SYNE1: variants seen among roughly 807,000 people sequenced by gnomAD.
SYNE1 encodes spectrin repeat containing nuclear envelope protein 1.
Under a neutral mutation model 1,111.0 loss-of-function variants are expected in SYNE1, and 616 were observed. The observed-to-expected ratio is 0.55, with a 90% CI of 0.52 to 0.59. SYNE1 has a LOEUF of 0.59. Among genes scored for constraint, SYNE1 ranks in the 20% least tolerant of loss-of-function variants. The pLI is 0.00. For synonymous variants in SYNE1, 3,855 were observed against 3,825.8 expected, an observed-to-expected ratio of 1.01 and a Z score of -0.28; for missense variants, 10,006 against 10,417.0, an observed-to-expected ratio of 0.96 and a Z score of 1.72.
At chr6:152,403,215 A>T (rs2097847937) in intron 46 of SYNE1, among the ~76,000 whole-genome samples, 3 of 152,172 alleles carry the variant, frequency 2.0e-5, no homozygotes, top group Non-Finnish European at 4.4e-5. Flanking sequence ...CAGCCAAAAG[A>T]GACCCACCAT....
intron 40 of SYNE1, among the ~76,000 whole-genome samples, chr6:152,417,521 C>CAAACAAACAAACAAAA (rs139258214): frequency 5.3e-5 from 8 of 151,756 alleles, no homozygotes; most frequent in Middle Eastern, 3.5e-3. Flanking sequence ...AACAAACAAA[C>CAAACAAACAAACAAAA]AAACACAACT....
chr6:152,211,206 A>G (rs957211428), intron 124 of SYNE1, among the ~76,000 whole-genome samples: 48 of 152,352 alleles, frequency 3.2e-4, no homozygotes, highest in Non-Finnish European at 6.8e-4. Context: ...GATATGGTTC[A>G]TGCTGATCTA....
At chr6:152,603,719 T>C (rs1195768124) in intron 3 of SYNE1, among the ~76,000 whole-genome samples, 1 of 150,864 alleles carries the variant, frequency 6.6e-6, no homozygotes. Context: ...TATGTATATC[T>C]ATACATACAT....
intron 87 of SYNE1, among the ~76,000 whole-genome samples, chr6:152,311,365 T>C (rs1324429848): frequency 2.0e-5 from 3 of 152,160 alleles, no homozygotes; most frequent in Non-Finnish European, 2.9e-5. Context: ...TCACTTGCTT[T>C]AAGTGAGACA....
chr6:152,462,828 C>A lies in SYNE1; in HGVS notation c.2160G>T (p.Leu720=), dbSNP rs1223592722. ...KKEYTDCVVT[L]SAFATEAHKK... is the part of the protein sequence containing the mutation. ...TATGGGCTTCCGTTGCAAAAGCAGA[C>A]AGGGTAACAACACAGTCTGTGTATT... is the stretch of plus-strand genomic sequence containing the variant. The change falls in exon 20 of 146, where the codon CTG becomes CTT. Residue 720 remains leucine (L), a synonymous_variant. Transcript: ENST00000367255. The A allele has an allele frequency of 1.9e-6, 3 of 1,613,946 alleles. No homozygotes were observed.
chr6:152,408,981 A>G, intron 44 of SYNE1, 87 bp downstream of exon 44: 3 of 1,363,938 alleles, frequency 2.2e-6, no homozygotes, highest in Non-Finnish European at 3.1e-6. Flanking sequence ...AGTGAAATTC[A>G]CATCCTTGAA....
chr6:152,137,621 C>CT (rs1340852678), intron 140 of SYNE1, among the ~76,000 whole-genome samples: 2 of 152,158 alleles, frequency 1.3e-5, no homozygotes, highest in Non-Finnish European at 2.9e-5. Context: ...AATTGAGTAT[C>CT]TAGGTACTGT....
intron 98 of SYNE1, among the ~76,000 whole-genome samples, chr6:152,273,312 G>C (rs1354970013): frequency 1.3e-5 from 2 of 152,172 alleles, no homozygotes; most frequent in African/African-American, 2.4e-5. Flanking sequence ...TCGTCTCAAA[G>C]AATGTGATTT....
At chr6:152,432,595 AGATAGTT>A (rs771905283) in intron 34 of SYNE1, among the ~76,000 whole-genome samples, 18 of 152,144 alleles carry the variant, frequency 1.2e-4, no homozygotes, top group Non-Finnish European at 2.5e-4. Flanking sequence ...AGATGACATT[AGATAGTT>A]GATATATTCC....
intron 123 of SYNE1, among the ~76,000 whole-genome samples, chr6:152,212,703 T>A (rs2077756955): frequency 6.6e-6 from 1 of 152,188 alleles, no homozygotes; most frequent in South Asian, 2.1e-4. Flanking sequence ...GGTAACTCTA[T>A]GTTAACTGTT....
At chr6:152,134,572 G>T in intron 142 of SYNE1, 1 of 165,540 alleles carries the variant, frequency 6.0e-6, no homozygotes, top group Non-Finnish European at 1.3e-5. Context: ...GGGAGGGTGA[G>T]GCAGGAGAAT....
chr6:152,321,630 AT>A, intron 83 of SYNE1, 90 bp downstream of exon 83: 1 of 1,508,216 alleles, frequency 6.6e-7, no homozygotes, highest in East Asian at 2.3e-5. Context: ...TTAATTCAAT[AT>A]TCAATAAATA....
Position 152,331,179 on chromosome 6 carries a change from G to A in SYNE1, c.13506C>T (p.Ser4502=). The part of the protein sequence containing the change: ...QVKTCKSAQA[S]LKTYQNEVTG... ...TGACTTCATTTTGGTAAGTCTTGAG[G>A]CTGGCTTGTGCACTCTTACATGTTT... Residue 4502 remains serine, a synonymous_variant, in exon 78 of 146, where the codon AGC becomes AGT. Coordinates refer to ENST00000367255, the MANE Select transcript of SYNE1 (RefSeq NM_182961.4). The A allele has an allele frequency of 6.2e-7, 1 of 1,613,952 alleles. No homozygotes were observed. The highest frequency in any genetic ancestry group is 8.5e-7 in the Non-Finnish European group (1 of 1,180,030).
At chr6:152,451,022 C>T (rs1440630809) in intron 26 of SYNE1, 25 bp downstream of exon 26, 13 of 1,613,824 alleles carry the variant, frequency 8.1e-6, no homozygotes, top group Non-Finnish European at 1.1e-5. Flanking sequence ...ACACGGCTAT[C>T]CACATTGTGG....
At position 152,480,851 on chromosome 6, in the gene SYNE1, C is replaced by A. The variant is rs1401687207; in HGVS notation, c.1350+2234G>T. 4 of 454,534 alleles carry A rather than the reference C, an allele frequency of 8.8e-6. No homozygotes were observed. In the Admixed American group the frequency reaches 9.5e-5, roughly 11 times the overall value. 28.2% of individuals were successfully genotyped at this position (454,534 alleles called of 1,614,324 possible). On this transcript the variant is annotated intron_variant, in intron 14 of 145. Coordinates refer to ENST00000367255, the MANE Select transcript of SYNE1 (RefSeq NM_182961.4). ...AGATAACCATTTTCTCCAACTCCTG[C>A]CCCTCTCTCTCTCCCTGATCCACTT...
At chr6:152,543,271 A>G (rs1423499858) in intron 3 of SYNE1, among the ~76,000 whole-genome samples, 1 of 152,152 alleles carries the variant, frequency 6.6e-6, no homozygotes, top group Non-Finnish European at 1.5e-5. Flanking sequence ...TTGCAAAAAC[A>G]GATTTTACTA....
At chr6:152,345,119 T>A (rs2096607888) in intron 73 of SYNE1, among the ~76,000 whole-genome samples, 1 of 152,224 alleles carries the variant, frequency 6.6e-6, no homozygotes, top group South Asian at 2.1e-4. Flanking sequence ...GGTGTTTTGT[T>A]CTCTTTATCA....
Position 152,336,948 on chromosome 6 carries a change from C to T in SYNE1, c.12421G>A (p.Glu4141Lys). The change falls in exon 76 of 146, where the codon GAG becomes AAG. Residue 4141 changes from glutamate (E) to lysine (K), a missense_variant. Around this residue, in one of 7 missense-constraint regions of SYNE1, gnomAD observed 4,955 missense variants for 5,017.2 expected, o/e 0.99. Transcript: ENST00000367255. ...GCATCTTGCAGGTAAATCCAGAGCT[C>T]AGACTTCAGGTGCTTGATCTCTTCC... ...GWEEIKHLKS[E>K]LWIYLQDADQ... is the part of the protein sequence containing the mutation. 6.2e-7 allele frequency: 1 copy of T among 1,614,156 alleles called. No individual in the cohort carries two copies. The highest frequency in any genetic ancestry group is 1.3e-5 in the African/African-American group (1 of 75,050).
At chr6:152,344,009 G>C in intron 74 of SYNE1, 72 bp downstream of exon 74, 1 of 1,598,670 alleles carries the variant, frequency 6.3e-7, no homozygotes, top group Non-Finnish European at 8.6e-7. Context: ...GCACATCATA[G>C]GTACTTCACA....
Sources: gnomAD v4.1 joint callset for allele counts (sites outside exome capture counted in the v4.1 genomes callset) on GRCh38, gnomAD v4.1.1 for gene constraint, gnomAD v4.1.1 regional missense constraint, MANE v1.5 for transcripts, NCBI Gene and HGNC (gene_info 2026-07-23, HGNC 2026-07-21) for gene names.